The following GRM3 variants were observed in gnomAD, a reference collection of about 807,000 sequenced individuals.
GRM3 encodes glutamate metabotropic receptor 3.
Under a neutral mutation model 70.5 loss-of-function variants are expected in GRM3, and 26 were observed. The ratio of observed to expected loss-of-function variants is 0.37; its 90% confidence interval spans 0.27 to 0.51. GRM3 has a LOEUF of 0.51. GRM3 is among the 20% of genes least tolerant of loss of function. The pLI, the probability that GRM3 is intolerant of heterozygous loss-of-function variation, is 0.93. For missense variants in GRM3, 859 were observed against 1,123.8 expected (o/e 0.76, Z 3.37); for synonymous variants, 443 against 434.9 (o/e 1.02, Z -0.23).
intron 3 of GRM3, among the ~76,000 whole-genome samples, chr7:86,827,710 C>T (rs1170721574): frequency 6.6e-6 from 1 of 152,128 alleles, no homozygotes; most frequent in Non-Finnish European, 1.5e-5. Context: ...GAAGAAGTTT[C>T]ACTATGTTGG....
At chr7:86,803,411 T>C (rs984335589) in intron 3 of GRM3, among the ~76,000 whole-genome samples, 7 of 152,320 alleles carry the variant, frequency 4.6e-5, no homozygotes, top group Admixed American at 4.6e-4. Context: ...TGCAAGGGTC[T>C]TTTAAGGCTG....
chr7:86,720,185 CT>C (rs1309118580), intron 1 of GRM3, among the ~76,000 whole-genome samples: 3 of 151,836 alleles, frequency 2.0e-5, no homozygotes, highest in Non-Finnish European at 4.4e-5. Context: ...CAGATCAGAC[CT>C]TGGTAATTGA....
Position 86,864,265 on chromosome 7 carries a change from C to T in GRM3, c.2567-17C>T, listed in dbSNP as rs956015461. 8.8e-6 allele frequency: 12 copies of T among 1,360,382 alleles called. No individual in the cohort carries two copies. Among genetic ancestry groups the T allele is most frequent in the Non-Finnish European group, 1.3e-5 (12 of 948,432 alleles). 84.3% of individuals were successfully genotyped at this position (1,360,382 alleles called of 1,614,324 possible). A position where few individuals can be genotyped will look rare whatever the true frequency, so the allele number is the denominator to read the frequency against. ...ACTTGACTAACTTTGAGTTTTCTGT[C>T]CCACTTTGTTTTCCAGCCTCTGCAA... On this transcript the variant is annotated splice_polypyrimidine_tract_variant and intron_variant, in intron 5 of 5. Transcript: ENST00000361669.
At chr7:86,719,867 C>A (rs1295426330) in intron 1 of GRM3, among the ~76,000 whole-genome samples, 1 of 151,914 alleles carries the variant, frequency 6.6e-6, no homozygotes, top group Non-Finnish European at 1.5e-5. Context: ...GCCAATGACA[C>A]TAGCATGACT....
chr7:86,835,905 C>A (rs1340362925), intron 3 of GRM3, among the ~76,000 whole-genome samples: 1 of 152,132 alleles, frequency 6.6e-6, no homozygotes, highest in East Asian at 1.9e-4. Context: ...AGCCATCACA[C>A]CTGGCCTACA....
At chr7:86,683,017 C>G (rs1346187245) in intron 1 of GRM3, among the ~76,000 whole-genome samples, 2 of 152,230 alleles carry the variant, frequency 1.3e-5, no homozygotes, top group East Asian at 3.9e-4. Flanking sequence ...CAGATTTGAA[C>G]TGAACAAATC....
intron 3 of GRM3, among the ~76,000 whole-genome samples, chr7:86,789,304 C>G (rs902639748): frequency 6.6e-6 from 1 of 152,122 alleles, no homozygotes; most frequent in African/African-American, 2.4e-5. Flanking sequence ...AAATACATTA[C>G]TAAGGGAGGA....
intron 3 of GRM3, among the ~76,000 whole-genome samples, chr7:86,812,551 T>A (rs908264614): frequency 6.6e-6 from 1 of 151,802 alleles, no homozygotes; most frequent in Admixed American, 6.6e-5. Context: ...CTCCTGAGAC[T>A]TTTGTTCCAA....
At chr7:86,773,090 C>T (rs566774363) in intron 2 of GRM3, among the ~76,000 whole-genome samples, 2 of 152,108 alleles carry the variant, frequency 1.3e-5, no homozygotes, top group African/African-American at 4.8e-5. Context: ...ACAAATGATC[C>T]TGGCACCCAG....
At chr7:86,668,675 C>T (rs935735644) in intron 1 of GRM3, among the ~76,000 whole-genome samples, 7 of 151,960 alleles carry the variant, frequency 4.6e-5, no homozygotes, top group Non-Finnish European at 7.4e-5. Flanking sequence ...AAATATATTC[C>T]GAAAATAGAA....
intron 3 of GRM3, among the ~76,000 whole-genome samples, chr7:86,829,810 G>T (rs1798314549): frequency 6.6e-6 from 1 of 152,178 alleles, no homozygotes; most frequent in Admixed American, 6.5e-5. Flanking sequence ...TGCAAGAGGA[G>T]TTGCCAGAAA....
intron 3 of GRM3, among the ~76,000 whole-genome samples, chr7:86,835,034 A>G (rs1035038530): frequency 1.3e-5 from 2 of 152,122 alleles, no homozygotes; most frequent in African/African-American, 4.8e-5. Flanking sequence ...TCCTGTGTTC[A>G]CTTGTCCTAA....
intron 1 of GRM3, among the ~76,000 whole-genome samples, chr7:86,762,233 A>G (rs915028537): frequency 1.3e-5 from 2 of 152,200 alleles, no homozygotes; most frequent in Admixed American, 6.6e-5. Context: ...TAAAAAAATT[A>G]TTATTATTAG....
intron 3 of GRM3, among the ~76,000 whole-genome samples, chr7:86,823,050 G>C (rs544279743): frequency 4.6e-5 from 7 of 152,130 alleles, no homozygotes; most frequent in Non-Finnish European, 1.0e-4. Flanking sequence ...TGGTAGCTGT[G>C]GTACCTTAGA....
chr7:86,694,296 C>A (rs1794760558), intron 1 of GRM3, among the ~76,000 whole-genome samples: 2 of 151,814 alleles, frequency 1.3e-5, no homozygotes, highest in African/African-American at 4.8e-5. Context: ...GAGGCCGAGG[C>A]GGGCAGATCA....
intron 1 of GRM3, among the ~76,000 whole-genome samples, chr7:86,723,987 A>G (rs963892111): frequency 6.6e-6 from 1 of 152,176 alleles, no homozygotes; most frequent in Non-Finnish European, 1.5e-5. Flanking sequence ...TTAACTATAA[A>G]TGAGGTAAAT....
intron 1 of GRM3, among the ~76,000 whole-genome samples, chr7:86,708,772 T>C (rs1795116877): frequency 6.6e-6 from 1 of 152,082 alleles, no homozygotes; most frequent in Non-Finnish European, 1.5e-5. Context: ...TAGAGAGCCC[T>C]CCTGACCAGA....
chr7:86,753,728 A>T (rs950586463), intron 1 of GRM3, among the ~76,000 whole-genome samples: 1 of 152,120 alleles, frequency 6.6e-6, no homozygotes, highest in South Asian at 2.1e-4. Context: ...TGCCTTCCCA[A>T]TCAATTTCTA....
At chr7:86,718,995 C>T (rs1489273701) in intron 1 of GRM3, among the ~76,000 whole-genome samples, 1 of 151,848 alleles carries the variant, frequency 6.6e-6, no homozygotes, top group South Asian at 2.1e-4. Context: ...GGAAAGAAAA[C>T]GACTTTAATA....
Sources: allele counts gnomAD v4.1 joint callset (sites outside exome capture counted in the v4.1 genomes callset), GRCh38; gene constraint gnomAD v4.1.1; transcripts MANE v1.5; gene names NCBI Gene and HGNC (gene_info 2026-07-23, HGNC 2026-07-21).